The following DCDC2 variants were observed in gnomAD, a reference collection of about 807,000 sequenced individuals.
The protein encoded by DCDC2 is doublecortin domain containing 2, also known as doublecortin domain-containing protein 2.
In DCDC2, 40 loss-of-function variants were observed where a neutral mutation model predicts 50.2. That is an observed-to-expected ratio of 0.80 (90% CI 0.62 to 1.04). The LOEUF is 1.04. DCDC2 is among the 50% of genes least tolerant of loss of function. The pLI is 0.00. For missense variants in DCDC2, 570 were observed against 581.9 expected, an observed-to-expected ratio of 0.98 and a Z score of 0.21; for synonymous variants, 234 against 210.6, an observed-to-expected ratio of 1.11 and a Z score of -0.96.
chr6:24,351,167 T>A (rs1046107546), intron 2 of DCDC2, among the ~76,000 whole-genome samples: 1 of 152,212 alleles, frequency 6.6e-6, no homozygotes. Context: ...CCTTTTGAGA[T>A]GCCAAGAACC....
rs28993072 is a variant in DCDC2, at chr6:24,204,846, T to TG, written c.1023+155dup. Among the ~76,000 whole-genome samples the TG allele has an allele frequency of 0.21, 31,272 of 152,140 alleles. 3,964 individuals are homozygous for TG. The highest frequency in any genetic ancestry group is 0.34 in the African/African-American group (14,276 of 41,462). ...TTCACAGGAATACTAGGAGAAAGAA[T>TG]GGTGTTTTGTTATGTTTTTAAGGTT... is the stretch of plus-strand genomic sequence containing the variant. On this transcript the variant is annotated intron_variant, in intron 8 of 9. Coordinates refer to ENST00000378454, the MANE Select transcript of DCDC2 (RefSeq NM_016356.5).
chr6:24,357,334 TCA>T (rs1760490182), intron 1 of DCDC2, 122 bp downstream of exon 1: 1 of 1,166,376 alleles, frequency 8.6e-7, no homozygotes, highest in African/African-American at 1.5e-5. Flanking sequence ...GGGGCATCAA[TCA>T]CACCGAGAAG....
intron 5 of DCDC2, among the ~76,000 whole-genome samples, chr6:24,289,781 A>C (rs1180945713): frequency 6.6e-6 from 1 of 152,154 alleles, no homozygotes; most frequent in East Asian, 1.9e-4. Flanking sequence ...CTCTCCATCA[A>C]GTTACACAAA....
intron 7 of DCDC2, among the ~76,000 whole-genome samples, chr6:24,239,103 T>C (rs1255570999): frequency 6.6e-6 from 1 of 152,206 alleles, no homozygotes; most frequent in Non-Finnish European, 1.5e-5. Context: ...AACAAGAGTA[T>C]TTTCAAACAT....
At chr6:24,246,874 G>T (rs1048282562) in intron 7 of DCDC2, among the ~76,000 whole-genome samples, 1 of 152,042 alleles carries the variant, frequency 6.6e-6, no homozygotes, top group South Asian at 2.1e-4. Flanking sequence ...ATCCACATAC[G>T]AGCTTCCTCT....
At chr6:24,333,840 G>T (rs1760010434) in intron 2 of DCDC2, among the ~76,000 whole-genome samples, 1 of 152,188 alleles carries the variant, frequency 6.6e-6, no homozygotes, top group Non-Finnish European at 1.5e-5. Flanking sequence ...AGTAGCTTGG[G>T]TTATGATGGT....
chr6:24,259,797 G>C (rs1762971604), intron 7 of DCDC2, among the ~76,000 whole-genome samples: 1 of 152,056 alleles, frequency 6.6e-6, no homozygotes, highest in South Asian at 2.1e-4. Context: ...TCAAAGCCTT[G>C]CTTGGTTACT....
chr6:24,229,731 C>T (rs73394028), intron 7 of DCDC2, among the ~76,000 whole-genome samples: 5,259 of 152,230 alleles, frequency 0.035, 278 homozygotes, highest in African/African-American at 0.12. Flanking sequence ...CTTCACTGAG[C>T]CCATAAATGG....
At chr6:24,339,251 G>A (rs1419815135) in intron 2 of DCDC2, among the ~76,000 whole-genome samples, 1 of 151,974 alleles carries the variant, frequency 6.6e-6, no homozygotes, top group Non-Finnish European at 1.5e-5. Context: ...AAGCTTCTGA[G>A]GATTCCCCTG....
chr6:24,299,928 AT>A (rs1200527640), intron 4 of DCDC2, among the ~76,000 whole-genome samples: 3 of 152,014 alleles, frequency 2.0e-5, no homozygotes, highest in Non-Finnish European at 4.4e-5. Flanking sequence ...TCAAAAAAAA[AT>A]AAAAATAAAA....
intron 7 of DCDC2, among the ~76,000 whole-genome samples, chr6:24,244,487 CCTT>C (rs1227511632): frequency 6.6e-6 from 1 of 152,196 alleles, no homozygotes; most frequent in East Asian, 1.9e-4. Flanking sequence ...CTAAGACTCT[CCTT>C]CATTTGATCT....
intron 2 of DCDC2, among the ~76,000 whole-genome samples, chr6:24,330,007 T>C (rs1473480301): frequency 6.6e-6 from 1 of 152,184 alleles, no homozygotes; most frequent in East Asian, 1.9e-4. Flanking sequence ...GAAAAAAGAA[T>C]GATACTCCAT....
At chr6:24,373,156 G>A in the DCDC2 span, among the ~76,000 whole-genome samples, 2 of 152,120 alleles carry the variant, frequency 1.3e-5, no homozygotes, top group African/African-American at 4.8e-5. Flanking sequence ...TATAAATAGG[G>A]ACAACCACAT....
intron 8 of DCDC2, among the ~76,000 whole-genome samples, chr6:24,185,316 C>G (rs190339425): frequency 6.6e-6 from 1 of 152,152 alleles, no homozygotes; most frequent in Non-Finnish European, 1.5e-5. Flanking sequence ...TAGACTTTCC[C>G]GGCACAGCTA....
At chr6:24,349,150 CAGA>C (rs1760317889) in intron 2 of DCDC2, among the ~76,000 whole-genome samples, 1 of 152,182 alleles carries the variant, frequency 6.6e-6, no homozygotes, top group Non-Finnish European at 1.5e-5. Context: ...CAGGTCAAAG[CAGA>C]AGGACGCTTC....
the DCDC2 span, among the ~76,000 whole-genome samples, chr6:24,374,520 CA>C: frequency 7.9e-6 from 1 of 127,204 alleles, no homozygotes; most frequent in Non-Finnish European, 1.5e-5. Flanking sequence ...GTGGAGGTTG[CA>C]GTGAACCAGA....
At chr6:24,182,411 T>C (rs1314261887) in intron 8 of DCDC2, among the ~76,000 whole-genome samples, 2 of 152,102 alleles carry the variant, frequency 1.3e-5, no homozygotes, top group Non-Finnish European at 2.9e-5. Flanking sequence ...ATCATTTATC[T>C]GATAAAGGCT....
intron 2 of DCDC2, among the ~76,000 whole-genome samples, chr6:24,339,377 G>C (rs367729715): frequency 7.9e-5 from 12 of 152,082 alleles, no homozygotes; most frequent in African/African-American, 2.7e-4. Flanking sequence ...CTTCAGGAAA[G>C]CTTGCCTTGT....
chr6:24,194,707 G>A (rs1373972870), intron 8 of DCDC2, among the ~76,000 whole-genome samples: 1 of 152,214 alleles, frequency 6.6e-6, no homozygotes, highest in Non-Finnish European at 1.5e-5. Context: ...AGGGTCATCA[G>A]TGCCAGAGCA....
Sources: gnomAD v4.1 joint callset for allele counts (sites outside exome capture counted in the v4.1 genomes callset) on GRCh38, gnomAD v4.1.1 for gene constraint, MANE v1.5 for transcripts, NCBI Gene and HGNC (gene_info 2026-07-23, HGNC 2026-07-21) for gene names.